MAK: variants seen among roughly 807,000 people sequenced by gnomAD.
MAK encodes the protein serine/threonine-protein kinase MAK.
A neutral mutation model predicts 82.6 loss-of-function variants in MAK; 65 were observed. That is an observed-to-expected ratio of 0.79 (90% CI 0.64 to 0.97). The LOEUF (loss-of-function observed/expected upper bound fraction) is 0.97, where lower values mean the gene tolerates loss of function less well. MAK is among the 50% of genes least tolerant of loss of function. The probability of loss-of-function intolerance (pLI) is 0.00; values close to 1 mark genes in which losing one functional copy is unlikely to be tolerated. For synonymous variants in MAK, 250 were observed against 274.2 expected (o/e 0.91, Z 0.87); for missense variants, 703 against 780.2 (o/e 0.90, Z 1.18).
At position 10,764,520 on chromosome 6, in the gene MAK, G is replaced by A. The variant is rs768134966; in HGVS notation, c.1879C>T (p.Arg627Cys). 34 of 1,613,908 alleles carry A rather than the reference G, an allele frequency of 2.1e-5. No homozygotes were observed. Among genetic ancestry groups the A allele is most frequent in the Admixed American group, 3.3e-5 (2 of 59,996 alleles). The change falls in exon 15 of 15, where the codon CGT becomes TGT. Residue 627 changes from arginine (R) to cysteine (C), a missense_variant. Transcript: ENST00000354489. ...PTAKNLNIVN[R>C]AQPIPSVHGR... ...TGCACTGAGGGAATGGGCTGTGCAC[G>A]GTTCACAATATTTAGGTTTTTTGCT...
chr6:10,775,544 TAG>T, intron 11 of MAK, 85 bp from the exon 12 acceptor site: 1 of 1,400,884 alleles, frequency 7.1e-7, no homozygotes, highest in African/African-American at 1.4e-5. Context: ...AAACAAAGAC[TAG>T]AGACACCTTG....
At chr6:10,770,023 G>C in intron 14 of MAK, 88 bp downstream of exon 14, 2 of 1,609,002 alleles carry the variant, frequency 1.2e-6, no homozygotes. Context: ...AAAAGTCTTC[G>C]CTTGGGAAAA....
At chr6:10,784,650 C>T in intron 10 of MAK, 78 bp from the exon 11 acceptor site, 1 of 1,360,282 alleles carries the variant, frequency 7.4e-7, no homozygotes, top group Non-Finnish European at 1.1e-6. Flanking sequence ...TCTCGCCCAC[C>T]CTCTGCACAT....
chr6:10,821,386 C>T (rs1777929235), intron 2 of MAK, among the ~76,000 whole-genome samples: 1 of 152,206 alleles, frequency 6.6e-6, no homozygotes, highest in Non-Finnish European at 1.5e-5. Flanking sequence ...AGCGATTCTC[C>T]TACCTCAGCC....
chr6:10,789,368 C>T (rs1051583192), intron 10 of MAK, among the ~76,000 whole-genome samples: 1 of 152,074 alleles, frequency 6.6e-6, no homozygotes, highest in African/African-American at 2.4e-5. Context: ...ATCACTAACG[C>T]CTGGTGCTTC....
intron 5 of MAK, among the ~76,000 whole-genome samples, chr6:10,809,924 C>T (rs2002140): frequency 0.53 from 80,789 of 151,338 alleles, 22,075 homozygotes; most frequent in Non-Finnish European, 0.6. Flanking sequence ...ATGATGAAAC[C>T]CCGTCTATAC....
At chr6:10,782,220 A>G (rs1459767458) in intron 11 of MAK, among the ~76,000 whole-genome samples, 7 of 144,792 alleles carry the variant, frequency 4.8e-5, no homozygotes, top group African/African-American at 1.9e-4. Context: ...ACACACACAC[A>G]CACACACACA....
chr6:10,774,406 A>G (rs1281056288), intron 12 of MAK, among the ~76,000 whole-genome samples: 3 of 152,186 alleles, frequency 2.0e-5, no homozygotes, highest in Non-Finnish European at 4.4e-5. Flanking sequence ...CAACAAATGA[A>G]TATTTATTGC....
chr6:10,791,243 G>C (rs1299581912), intron 10 of MAK, among the ~76,000 whole-genome samples: 1 of 152,010 alleles, frequency 6.6e-6, no homozygotes, highest in African/African-American at 2.4e-5. Flanking sequence ...TTTGTGGAAG[G>C]CACCAATATT....
At position 10,830,813 on chromosome 6, in the gene MAK, A is replaced by G. The variant is rs1778760311; in HGVS notation, c.-165T>C. ...TATAGTCTCTCCCCCAAGATTACAG[A>G]GGTTCATGAGATATAGCATGAAGGA... On this transcript the variant is annotated 5_prime_UTR_variant, in exon 2 of 15. Coordinates refer to ENST00000354489, the MANE Select transcript of MAK (RefSeq NM_001242957.3). 2 of 676,638 alleles carry G rather than the reference A, an allele frequency of 3.0e-6. No homozygotes were observed. The highest frequency in any genetic ancestry group is 1.8e-5 in the African/African-American group (1 of 56,440). 41.9% of individuals were successfully genotyped at this position (676,638 alleles called of 1,614,324 possible).
intron 14 of MAK, among the ~76,000 whole-genome samples, chr6:10,767,392 G>T (rs913938180): frequency 2.6e-5 from 4 of 152,272 alleles, no homozygotes; most frequent in South Asian, 2.1e-4. Context: ...CCTAAAGGGT[G>T]CTGTGTAGAA....
chr6:10,800,158 C>T lies in MAK; in HGVS notation c.831+1734G>A, dbSNP rs1054627453. ...GCGGGCACCTGCAATCCCAGCAACT[C>T]GGGAGGCTGAGGCAGGAGAATCGCC... On this transcript the variant is annotated intron_variant, in intron 8 of 14. Transcript: ENST00000354489. This position sits in a 1 kb window ranked among gnomAD's most constrained non-coding sequence, Gnocchi z 4.2. Among the ~76,000 whole-genome samples the T allele has an allele frequency of 1.3e-4, 20 of 150,112 alleles. No individual in the cohort carries two copies. The highest frequency in any genetic ancestry group is 2.4e-4 in the Non-Finnish European group (16 of 67,508).
chr6:10,802,397 C>T, intron 7 of MAK: 1 of 233,340 alleles, frequency 4.3e-6, no homozygotes, highest in Non-Finnish European at 8.5e-6. Flanking sequence ...CCTCACCCTC[C>T]CGGGCTCAAA....
At chr6:10,811,155 TA>T (rs1561984563) in intron 5 of MAK, among the ~76,000 whole-genome samples, 1 of 152,244 alleles carries the variant, frequency 6.6e-6, no homozygotes, top group Non-Finnish European at 1.5e-5. Context: ...TGTGCCATGA[TA>T]CCCAGCTAAT....
At chr6:10,819,476 A>T (rs1188362384) in intron 2 of MAK, among the ~76,000 whole-genome samples, 2 of 152,152 alleles carry the variant, frequency 1.3e-5, no homozygotes, top group East Asian at 3.9e-4. Flanking sequence ...CTAAAAATAC[A>T]AAACAATTAG....
At chr6:10,779,799 C>T (rs919731050) in intron 11 of MAK, among the ~76,000 whole-genome samples, 3 of 152,178 alleles carry the variant, frequency 2.0e-5, no homozygotes, top group South Asian at 2.1e-4. Context: ...ATTCTCCTGC[C>T]TCAGCCTCCT....
intron 2 of MAK, chr6:10,826,652 C>T (rs1206530510): frequency 6.6e-6 from 1 of 152,228 alleles, no homozygotes; most frequent in African/African-American, 2.4e-5. Context: ...TCTACCTCTT[C>T]ATTCACAGAG....
chr6:10,791,451 G>A lies in MAK; in HGVS notation c.1316+224C>T, dbSNP rs191300657. 3.5e-3 allele frequency among the ~76,000 whole-genome samples: 528 copies of A among 152,074 alleles called. 7 individuals are homozygous for A. Among genetic ancestry groups the A allele is most frequent in the African/African-American group, 0.012 (512 of 41,496 alleles). ...CCAGCTAATTTTTGTATTTTTAGTA[G>A]AGACGGGGTTTCACCATGTCAGCCA... On this transcript the variant is annotated intron_variant, in intron 10 of 14. Coordinates refer to ENST00000354489, the MANE Select transcript of MAK (RefSeq NM_001242957.3).
chr6:10,829,668 A>G (rs10223524), intron 2 of MAK, among the ~76,000 whole-genome samples: 3,968 of 152,284 alleles, frequency 0.026, 165 homozygotes, highest in African/African-American at 0.086. Flanking sequence ...ATAAAAAAGG[A>G]GGCACTCATA....
Sources: gnomAD v4.1 joint callset for allele counts (sites outside exome capture counted in the v4.1 genomes callset) on GRCh38, gnomAD v4.1.1 for gene constraint, Gnocchi (gnomAD v3.1) non-coding constraint, MANE v1.5 for transcripts, NCBI Gene and HGNC (gene_info 2026-07-23, HGNC 2026-07-21) for gene names.